Variants in TMEM63A observed in about 807,000 individuals in gnomAD.
TMEM63A encodes transmembrane protein 63A.
In TMEM63A, 76 loss-of-function variants were observed where a neutral mutation model predicts 100.6. The observed-to-expected ratio is 0.76, with a 90% confidence interval of 0.63 to 0.91. The LOEUF is 0.91. Ranked by LOEUF, TMEM63A falls within the 40% of genes least tolerant of loss-of-function variation. TMEM63A has a pLI of 0.00. For synonymous variants in TMEM63A, 401 were observed against 401.1 expected (o/e 1.00, Z 0.00); for missense variants, 876 against 1,008.8 (o/e 0.87, Z 1.78).
chr1:225,845,479 C>A (rs1668897997), downstream of TMEM63A: 3 of 879,446 alleles, frequency 3.4e-6, no homozygotes, highest in Admixed American at 6.5e-5. Flanking sequence ...ACGCTCACCC[C>A]CTCACCCCTC....
At chr1:225,872,403 C>T (rs756188211) in intron 4 of TMEM63A, among the ~76,000 whole-genome samples, 6 of 152,184 alleles carry the variant, frequency 3.9e-5, no homozygotes, top group Non-Finnish European at 8.8e-5. Flanking sequence ...ATAAATACTA[C>T]ATTTTATCAA....
At chr1:225,863,589 G>T (rs770218668) in intron 10 of TMEM63A, among the ~76,000 whole-genome samples, 1 of 151,666 alleles carries the variant, frequency 6.6e-6, no homozygotes, top group East Asian at 2.0e-4. Context: ...GAAAGCAAAG[G>T]ACCCTCAGAC....
Position 225,856,970 on chromosome 1 carries a change from G to A in TMEM63A, c.1425C>T (p.Phe475=). The A allele has an allele frequency of 1.9e-6, 3 of 1,602,556 alleles. No individual in the cohort carries two copies. The highest frequency in any genetic ancestry group is 2.7e-5 in the African/African-American group (2 of 74,234). Residue 475 remains phenylalanine, a synonymous_variant, in exon 16 of 25, where the codon TTC becomes TTT. Coordinates refer to ENST00000366835, the MANE Select transcript of TMEM63A (RefSeq NM_014698.3). The stretch of plus-strand genomic sequence containing the variant: ...AGACAATGGAGGGGAGCAGGGCCGA[G>A]AAGGACCAGAGCAGGAGGGTGGGGA... ...QFFPTLLLWS[F]SALLPSIVYY... is the part of the protein sequence containing the mutation.
chr1:225,870,631 T>G (rs360089), intron 6 of TMEM63A, among the ~76,000 whole-genome samples: 139,373 of 152,320 alleles, frequency 0.92, 63,796 homozygotes, highest in African/African-American at 0.94. Context: ...AACCTGCCTA[T>G]GAGAGCGTCC....
intron 15 of TMEM63A, 97 bp downstream of exon 15, chr1:225,859,099 C>T: frequency 6.4e-7 from 1 of 1,556,618 alleles, no homozygotes; most frequent in Non-Finnish European, 8.8e-7. Context: ...GTTTAGTTCC[C>T]CGCACACACC....
chr1:225,862,595 G>C lies in TMEM63A; in HGVS notation c.828-17C>G, dbSNP rs562636981. Reference sequence around the variant, plus strand: ...GTCTTCTTTCTGTAGGGGTGGGAGCGGGGGCACAAACCTCAGATTTAGAAT... The same window carrying C: ...GTCTTCTTTCTGTAGGGGTGGGAGCCGGGGCACAAACCTCAGATTTAGAAT... On this transcript the variant is annotated splice_polypyrimidine_tract_variant and intron_variant, in intron 11 of 24. Transcript: ENST00000366835. This position sits in a 1 kb window ranked among gnomAD's most constrained non-coding sequence, Gnocchi z 5.1. 17 of 1,610,258 alleles carry C rather than the reference G, an allele frequency of 1.1e-5. No individual in the cohort carries two copies. The Admixed American group carries it at 1.5e-4, about 14-fold the overall frequency.
At chr1:225,851,015 A>T (rs1669305386) in intron 20 of TMEM63A, among the ~76,000 whole-genome samples, 1 of 151,922 alleles carries the variant, frequency 6.6e-6, no homozygotes, top group Admixed American at 6.6e-5. Context: ...CCGGCAGTGT[A>T]TGTCTTTCAT....
intron 18 of TMEM63A, among the ~76,000 whole-genome samples, chr1:225,854,036 C>T (rs1426189862): frequency 6.6e-6 from 1 of 152,198 alleles, no homozygotes; most frequent in Non-Finnish European, 1.5e-5. Context: ...AGCAGACAAA[C>T]AAATATTCCA....
rs747941663 is a variant in TMEM63A, at chr1:225,852,728, C to T, written c.1839G>A (p.Trp613Ter). The part of the protein sequence containing the change: ...FQYEFGAMYA[W>*]MLCVFTVIVA... ...CGATGACAGTGAAGACACACAGCAT[C>T]CATGCATACATGGCTCCAAACTCGT... Residue 613 changes from tryptophan to a stop codon, truncating the protein, a stop_gained, in exon 20 of 25, where the codon TGG (tryptophan) becomes TGA (stop). Coordinates refer to ENST00000366835, the MANE Select transcript of TMEM63A (RefSeq NM_014698.3). LOFTEE classifies it high-confidence loss of function. 2.5e-6 allele frequency: 4 copies of T among 1,614,010 alleles called. No individual in the cohort carries two copies. In the Admixed American group the frequency reaches 6.7e-5, roughly 27 times the overall value.
In TMEM63A at chr1:225,859,163, TC is replaced by T. The variant is rs1559040628; in HGVS notation, c.1377+32del. ...CACCAAGCCCTCTTCTCACCAGCTA[TC>T]CTGGGAGGGGCCTTGCAGAACAGTT... On this transcript the variant is annotated intron_variant, in intron 15 of 24. Coordinates refer to ENST00000366835, the MANE Select transcript of TMEM63A (RefSeq NM_014698.3). 5 of 1,613,848 alleles carry T rather than the reference TC, an allele frequency of 3.1e-6. No individual in the cohort carries two copies. In the South Asian group the frequency reaches 5.5e-5, roughly 18 times the overall value.
chr1:225,862,871 G>A lies in TMEM63A; in HGVS notation c.747-20C>T. ...GCGTCCCTGTGGCCAGGGAGAGAAG[G>A]AGGCAAAAGACACCGTTGGAAAAGA... is the stretch of plus-strand genomic sequence containing the variant. On this transcript the variant is annotated intron_variant, in intron 10 of 24. Transcript: ENST00000366835. This position sits in a 1 kb window ranked among gnomAD's most constrained non-coding sequence, Gnocchi z 5.1. 6.2e-7 allele frequency: 1 copy of A among 1,612,526 alleles called. No homozygotes were observed. Among genetic ancestry groups the A allele is most frequent in the Non-Finnish European group, 8.5e-7 (1 of 1,179,340 alleles).
chr1:225,853,802 C>T lies in TMEM63A; in HGVS notation c.1635-11G>A, dbSNP rs1377098358. The T allele has an allele frequency of 6.3e-7, 1 of 1,587,810 alleles. No homozygotes were observed. The highest frequency in any genetic ancestry group is 8.6e-7 in the Non-Finnish European group (1 of 1,166,784). On this transcript the variant is annotated splice_polypyrimidine_tract_variant and intron_variant, in intron 18 of 24. Coordinates refer to ENST00000366835, the MANE Select transcript of TMEM63A (RefSeq NM_014698.3). The surrounding 1 kb of genome is among the most constrained non-coding windows in gnomAD (Gnocchi z 4.0). Reference sequence around the variant, plus strand: ...GGCAGGAAGACGCACCTGGGGAAACCAGGGCCCAGGTCTGTGAGCTGAGAG... The same window carrying T: ...GGCAGGAAGACGCACCTGGGGAAACTAGGGCCCAGGTCTGTGAGCTGAGAG...
intron 20 of TMEM63A, among the ~76,000 whole-genome samples, chr1:225,850,675 C>G (rs1669280670): frequency 1.3e-5 from 2 of 152,162 alleles, no homozygotes; most frequent in African/African-American, 4.8e-5. Context: ...CTGCAGAGCC[C>G]CTTAGCCGCA....
chr1:225,843,996 G>A (rs1286191243), downstream of TMEM63A, among the ~76,000 whole-genome samples: 2 of 152,198 alleles, frequency 1.3e-5, no homozygotes, highest in Non-Finnish European at 2.9e-5. Context: ...GGAAGGTGGG[G>A]TGGGGGCTGT....
chr1:225,874,312 A>G lies in TMEM63A; in HGVS notation c.242T>C (p.Ile81Thr), dbSNP rs780415187. ...CCTGTCTGCTTCTGACACCAGGGCA[A>G]TGCGGCCATAGTCCCAGAATCTTCT... is the stretch of plus-strand genomic sequence containing the variant. Reference protein sequence around the residue: ...IRRRFWDYGRIALVSEADSES... With the variant: ...IRRRFWDYGRTALVSEADSES... Residue 81 changes from isoleucine to threonine, a missense_variant, in exon 4 of 25, where the codon ATT becomes ACT. Ile to Thr is a moderately conservative substitution (Grantham distance 89). Coordinates refer to ENST00000366835, the MANE Select transcript of TMEM63A (RefSeq NM_014698.3). 1 of 1,614,140 alleles carries G rather than the reference A, an allele frequency of 6.2e-7. No individual in the cohort carries two copies. The highest frequency in any genetic ancestry group is 8.5e-7 in the Non-Finnish European group (1 of 1,180,024).
In TMEM63A at chr1:225,867,306, A is replaced by G; in HGVS notation, c.515-143T>C. On this transcript the variant is annotated intron_variant, in intron 7 of 24. Coordinates refer to ENST00000366835, the MANE Select transcript of TMEM63A (RefSeq NM_014698.3). The surrounding 1 kb of genome is among the most constrained non-coding windows in gnomAD (Gnocchi z 4.6). The stretch of plus-strand genomic sequence containing the variant: ...AAGACAACGTCTGACTGGTCTTTCC[A>G]GAGCTACACCATCAAGGCCTCTGCT... The G allele has an allele frequency of 1.2e-6, 1 of 865,158 alleles. No homozygotes were observed. Among genetic ancestry groups the G allele is most frequent in the East Asian group, 2.4e-5 (1 of 41,424 alleles). 53.6% of individuals were successfully genotyped at this position (865,158 alleles called of 1,614,324 possible).
Position 225,874,360 on chromosome 1 carries a change from A to T in TMEM63A, c.194T>A (p.Ile65Asn). ...TCTTCTTATAATAGAAAACACCAAG[A>T]TTAAGAACTAAAAACAGAAAAGAAA... ...LIDVSCFLFL[I>N]LVFSIIRRRF... The change falls in exon 4 of 25, where the codon ATC (isoleucine) becomes AAC (asparagine). Residue 65 changes from isoleucine (I) to asparagine (N), a missense_variant. By Grantham distance (149) the Ile-to-Asn change is moderately radical. Coordinates refer to ENST00000366835, the MANE Select transcript of TMEM63A (RefSeq NM_014698.3). The T allele has an allele frequency of 6.2e-7, 1 of 1,613,170 alleles. No homozygotes were observed. The highest frequency in any genetic ancestry group is 1.1e-5 in the South Asian group (1 of 90,882).
intron 20 of TMEM63A, among the ~76,000 whole-genome samples, chr1:225,850,365 T>C (rs1459325932): frequency 6.6e-6 from 1 of 151,916 alleles, no homozygotes; most frequent in Non-Finnish European, 1.5e-5. Flanking sequence ...CAAACCTTCT[T>C]GGAAAGCCGA....
chr1:225,860,683 G>T (rs1669891880), intron 14 of TMEM63A, 177 bp downstream of exon 14: 2 of 580,568 alleles, frequency 3.4e-6, no homozygotes, highest in Non-Finnish European at 2.7e-6. Context: ...GGAGGGAAGG[G>T]CTGGGCAGAT....
Sources: allele counts gnomAD v4.1 joint callset (sites outside exome capture counted in the v4.1 genomes callset), GRCh38; gene constraint gnomAD v4.1.1; non-coding constraint Gnocchi (gnomAD v3.1); transcripts MANE v1.5; gene names NCBI Gene and HGNC (gene_info 2026-07-23, HGNC 2026-07-21).